CEACAM18: variants seen among roughly 807,000 people sequenced by gnomAD.
CEACAM18 encodes the protein CEA cell adhesion molecule 18, also known as cell adhesion molecule CEACAM18.
CEACAM18 carries 33 observed loss-of-function variants against 34.3 expected under a neutral mutation model. The ratio of observed to expected loss-of-function variants is 0.96; its 90% CI spans 0.73 to 1.29. The LOEUF is 1.29. Among genes scored for constraint, CEACAM18 ranks in the 50% most tolerant of loss-of-function variants. The probability of loss-of-function intolerance (pLI) is 0.00; values close to 1 mark genes in which losing one functional copy is unlikely to be tolerated. For synonymous variants in CEACAM18, 169 were observed against 180.9 expected, an observed-to-expected ratio of 0.93 and a Z score of 0.53; for missense variants, 474 against 485.0, an observed-to-expected ratio of 0.98 and a Z score of 0.21.
chr19:51,488,021 T>C (rs1317412314), intron 5 of CEACAM18, among the ~76,000 whole-genome samples: 1 of 152,200 alleles, frequency 6.6e-6, no homozygotes, highest in East Asian at 1.9e-4. Context: ...ATGTAGAATG[T>C]TCTTAAAGAG....
exon 6 of CEACAM18, chr19:51,490,594 C>T: frequency 8.1e-7 from 1 of 1,232,230 alleles, no homozygotes; most frequent in Non-Finnish European, 1.0e-6. Flanking sequence ...TAGGACAAAT[C>T]GGGCTCCATG....
intron 5 of CEACAM18, among the ~76,000 whole-genome samples, chr19:51,487,290 C>T (rs191280335): frequency 3.8e-4 from 58 of 152,122 alleles, no homozygotes; most frequent in Admixed American, 1.3e-3. Context: ...GCCTGGGCAA[C>T]GTGGTGAAAC....
At chr19:51,486,803 C>T (rs62115078) in intron 5 of CEACAM18, among the ~76,000 whole-genome samples, 11,095 of 150,286 alleles carry the variant, frequency 0.074, 494 homozygotes, top group African/African-American at 0.12. Flanking sequence ...CTGCAAGCTC[C>T]GCCTCCCAGG....
At chr19:51,480,925 T>C (rs1301280787) in intron 2 of CEACAM18, among the ~76,000 whole-genome samples, 2 of 152,134 alleles carry the variant, frequency 1.3e-5, no homozygotes, top group Non-Finnish European at 2.9e-5. Flanking sequence ...CCTGGCCCAT[T>C]TGTGTTCCTT....
At chr19:51,482,953 C>T in intron 3 of CEACAM18, 64 bp from the exon 4 acceptor site, 6 of 1,576,608 alleles carry the variant, frequency 3.8e-6, no homozygotes, top group Non-Finnish European at 5.2e-6. Flanking sequence ...TGGGGGAGGA[C>T]TTCATGAGAC....
At chr19:51,482,657 T>A (rs1171377481) in intron 3 of CEACAM18, among the ~76,000 whole-genome samples, 1 of 152,196 alleles carries the variant, frequency 6.6e-6, no homozygotes, top group Non-Finnish European at 1.5e-5. Flanking sequence ...TTGTTTTCCA[T>A]CTATAAAATG....
intron 2 of CEACAM18, 56 bp downstream of exon 2, chr19:51,480,736 T>C: frequency 6.8e-7 from 1 of 1,474,762 alleles, no homozygotes; most frequent in Non-Finnish European, 9.3e-7. Context: ...ATGTGACACA[T>C]TTGAGAGAAG....
intron 3 of CEACAM18, among the ~76,000 whole-genome samples, chr19:51,482,200 G>A (rs1044012855): frequency 4.0e-5 from 6 of 151,644 alleles, no homozygotes; most frequent in Admixed American, 6.6e-5. Context: ...GCTGCCTACC[G>A]GGGCAAGTTC....
At chr19:51,484,316 A>C (rs1989965285) in intron 4 of CEACAM18, among the ~76,000 whole-genome samples, 1 of 144,408 alleles carries the variant, frequency 6.9e-6, no homozygotes, top group African/African-American at 2.5e-5. Flanking sequence ...AAGCTGGGGA[A>C]GCTTTTTTTT....
intron 5 of CEACAM18, 64 bp from the exon 6 acceptor site, chr19:51,490,523 C>G (rs1990073242): frequency 8.2e-7 from 1 of 1,222,224 alleles, no homozygotes; most frequent in African/African-American, 1.6e-5. Flanking sequence ...CTCTCTCTAT[C>G]CAGGACTCTC....
In CEACAM18 at chr19:51,481,539, A is replaced by G. The variant is rs781615459; in HGVS notation, c.547A>G (p.Ile183Val). ...TACCTCTAGTAGTGACCGGATGACA[A>G]TTTCCCCAGACGGCAAGACCCTCGT... is the stretch of plus-strand genomic sequence containing the variant. The change falls in exon 3 of 6, where the codon ATT becomes GTT. Residue 183 changes from isoleucine (I) to valine (V), a missense_variant. By Grantham distance (29) the Ile-to-Val change is conservative (BLOSUM62 3). Coordinates refer to ENST00000396477, the Ensembl canonical transcript of CEACAM18. The G allele has an allele frequency of 1.9e-6, 3 of 1,613,882 alleles. No individual in the cohort carries two copies. In the South Asian group the frequency reaches 3.3e-5, roughly 18 times the overall value.
At chr19:51,480,510 A>T (rs1989892799) in exon 2 of CEACAM18, 3 of 1,613,990 alleles carry the variant, frequency 1.9e-6, no homozygotes, top group Non-Finnish European at 1.7e-6. Context: ...ATCAGCCACA[A>T]ACCGCCCAGT....
At chr19:51,481,558 C>T in exon 3 of CEACAM18, 1 of 1,614,016 alleles carries the variant, frequency 6.2e-7, no homozygotes. Flanking sequence ...GACGGCAAGA[C>T]CCTCGTCATC....
chr19:51,486,933 A>G (rs1990014569), intron 5 of CEACAM18, among the ~76,000 whole-genome samples: 1 of 151,034 alleles, frequency 6.6e-6, no homozygotes, highest in Non-Finnish European at 1.5e-5. Flanking sequence ...CGTGTTAGCC[A>G]GGATGGTCTT....
chr19:51,490,933 G>A (rs2122197900), exon 6 of CEACAM18: 2 of 308,100 alleles, frequency 6.5e-6, no homozygotes, highest in Non-Finnish European at 1.2e-5. Context: ...AATTCCAAGC[G>A]CCTCCTCCCT....
intron 5 of CEACAM18, among the ~76,000 whole-genome samples, chr19:51,489,797 C>T (rs1990060604): frequency 6.6e-6 from 1 of 152,144 alleles, no homozygotes; most frequent in South Asian, 2.1e-4. Context: ...AGGGTTGGTA[C>T]ACAGTAAGCA....
intron 4 of CEACAM18, 127 bp downstream of exon 4, chr19:51,483,423 A>T: frequency 8.8e-7 from 1 of 1,137,990 alleles, no homozygotes; most frequent in Non-Finnish European, 1.3e-6. Flanking sequence ...TCTGGGTGAA[A>T]TCTCCCAGTT....
At chr19:51,486,356 G>A (rs1470134909) in intron 5 of CEACAM18, among the ~76,000 whole-genome samples, 3 of 152,162 alleles carry the variant, frequency 2.0e-5, no homozygotes, top group African/African-American at 7.2e-5. Flanking sequence ...TTTTCTGTGA[G>A]CTCTGGGGTG....
chr19:51,487,341 G>A (rs1223213286), intron 5 of CEACAM18, among the ~76,000 whole-genome samples: 4 of 151,980 alleles, frequency 2.6e-5, no homozygotes, highest in Non-Finnish European at 5.9e-5. Flanking sequence ...CTGGAGTGGT[G>A]GAGTGCTTCT....
Sources: gnomAD v4.1 joint callset for allele counts (sites outside exome capture counted in the v4.1 genomes callset) on GRCh38, gnomAD v4.1.1 for gene constraint, MANE v1.5 for transcripts, NCBI Gene and HGNC (gene_info 2026-07-23, HGNC 2026-07-21) for gene names.